Variants in MAF observed in about 807,000 individuals in gnomAD.
MAF encodes transcription factor Maf.
In MAF, 10 loss-of-function variants were observed where a neutral mutation model predicts 22.0. That is an observed-to-expected ratio of 0.45 (90% CI 0.28 to 0.77). The LOEUF is 0.77. Ranked by LOEUF, MAF falls within the 30% of genes least tolerant of loss-of-function variation. The probability of loss-of-function intolerance (pLI) is 0.12; values close to 1 mark genes in which losing one functional copy is unlikely to be tolerated. For synonymous variants in MAF, 337 were observed against 255.8 expected (o/e 1.32, Z -3.03); for missense variants, 544 against 548.4 (o/e 0.99, Z 0.08).
At chr16:79,574,060 C>A in the MAF span, among the ~76,000 whole-genome samples, 1 of 152,182 alleles carries the variant, frequency 6.6e-6, no homozygotes, top group Non-Finnish European at 1.5e-5. Context: ...GTGTTGGACA[C>A]AAAAATAAAT....
chr16:79,533,861 G>T, the MAF span, among the ~76,000 whole-genome samples: 1 of 152,098 alleles, frequency 6.6e-6, no homozygotes, highest in African/African-American at 2.4e-5. Flanking sequence ...CTCCTCTGTT[G>T]CCATCAAAAC....
At chr16:79,212,823 G>GAGTT in the MAF span, 1 of 152,222 alleles carries the variant, frequency 6.6e-6, no homozygotes, top group East Asian at 1.9e-4. Context: ...TTCTCTGAGT[G>GAGTT]AGTTTGTGTT....
At chr16:79,440,422 C>A in the MAF span, among the ~76,000 whole-genome samples, 1 of 152,168 alleles carries the variant, frequency 6.6e-6, no homozygotes, top group African/African-American at 2.4e-5. Flanking sequence ...CAACTAATTT[C>A]TTTCTTTCTT....
chr16:79,402,217 CA>C, the MAF span, among the ~76,000 whole-genome samples: 48 of 152,248 alleles, frequency 3.2e-4, no homozygotes, highest in Non-Finnish European at 4.7e-4. Context: ...CTTTAGGAAG[CA>C]AGTGAGGATT....
At chr16:79,371,986 A>G in the MAF span, among the ~76,000 whole-genome samples, 3 of 152,156 alleles carry the variant, frequency 2.0e-5, no homozygotes, top group Non-Finnish European at 4.4e-5. Context: ...GAAAAAGAAA[A>G]TGAGATTGCA....
At chr16:79,513,099 G>T in the MAF span, among the ~76,000 whole-genome samples, 1 of 152,358 alleles carries the variant, frequency 6.6e-6, no homozygotes, top group East Asian at 1.9e-4. Flanking sequence ...ATAAATGCAC[G>T]TGTGCATGTG....
the MAF span, among the ~76,000 whole-genome samples, chr16:79,411,041 C>G: frequency 1.3e-5 from 2 of 152,210 alleles, no homozygotes; most frequent in Admixed American, 1.3e-4. Flanking sequence ...TCCTCCAAGA[C>G]CAGCCTGAGT....
At chr16:79,467,668 A>C in the MAF span, among the ~76,000 whole-genome samples, 2 of 152,058 alleles carry the variant, frequency 1.3e-5, no homozygotes, top group African/African-American at 2.4e-5. Context: ...CTCAGGGCCC[A>C]CCCTGGACCT....
chr16:79,549,752 G>T, the MAF span, among the ~76,000 whole-genome samples: 1 of 152,130 alleles, frequency 6.6e-6, no homozygotes, highest in Non-Finnish European at 1.5e-5. Context: ...CCTCCTCCTA[G>T]CAGTCCTGAT....
chr16:79,570,783 G>A, the MAF span, among the ~76,000 whole-genome samples: 1 of 152,286 alleles, frequency 6.6e-6, no homozygotes, highest in African/African-American at 2.4e-5. Flanking sequence ...TGGTCCTTCT[G>A]AGCCCATGCC....
chr16:79,512,131 T>G, the MAF span, among the ~76,000 whole-genome samples: 4 of 152,334 alleles, frequency 2.6e-5, no homozygotes, highest in South Asian at 8.3e-4. Flanking sequence ...CCATAGCTCT[T>G]TGAATGACAA....
the MAF span, among the ~76,000 whole-genome samples, chr16:79,361,447 G>C: frequency 2.8e-4 from 42 of 152,310 alleles, 1 homozygote; most frequent in African/African-American, 7.9e-4. Context: ...GCATGGTGTT[G>C]AAGTTTGATT....
the MAF span, among the ~76,000 whole-genome samples, chr16:79,428,850 A>T: frequency 5.2e-5 from 1 of 19,204 alleles, no homozygotes; most frequent in Non-Finnish European, 8.8e-5. Flanking sequence ...GTCTCAGAAA[A>T]ATAATAATAA....
chr16:79,417,305 T>C, the MAF span, among the ~76,000 whole-genome samples: 81,171 of 152,066 alleles, frequency 0.53, 22,488 homozygotes, highest in East Asian at 0.9. Context: ...AACAATCAGA[T>C]ATCACTTGGT....
At chr16:79,432,289 G>T in the MAF span, among the ~76,000 whole-genome samples, 1 of 152,144 alleles carries the variant, frequency 6.6e-6, no homozygotes, top group African/African-American at 2.4e-5. Flanking sequence ...CCCTAGCCAT[G>T]CGGATCTGTG....
At chr16:79,561,035 T>G in the MAF span, among the ~76,000 whole-genome samples, 1 of 152,194 alleles carries the variant, frequency 6.6e-6, no homozygotes, top group Non-Finnish European at 1.5e-5. Flanking sequence ...GCTGCAAAAC[T>G]TAGATTTTTA....
chr16:79,339,352 C>A, the MAF span, among the ~76,000 whole-genome samples: 1 of 152,244 alleles, frequency 6.6e-6, no homozygotes, highest in Non-Finnish European at 1.5e-5. Context: ...AGCCACCGCA[C>A]CCGGCCTGGG....
At chr16:79,471,283 A>C in the MAF span, among the ~76,000 whole-genome samples, 2 of 152,250 alleles carry the variant, frequency 1.3e-5, no homozygotes, top group Non-Finnish European at 2.9e-5. Context: ...ACATCTAAGC[A>C]GTCATGAAGA....
At chr16:79,359,565 A>G in the MAF span, among the ~76,000 whole-genome samples, 9 of 152,214 alleles carry the variant, frequency 5.9e-5, no homozygotes, top group East Asian at 1.9e-4. Flanking sequence ...GCCAGCCCCA[A>G]TTGCTGTTCT....
Sources: gnomAD v4.1 joint callset for allele counts (sites outside exome capture counted in the v4.1 genomes callset) on GRCh38, gnomAD v4.1.1 for gene constraint, MANE v1.5 for transcripts, NCBI Gene and HGNC (gene_info 2026-07-23, HGNC 2026-07-21) for gene names.